The following RBFOX1 variants were observed in gnomAD, a reference collection of about 807,000 sequenced individuals.
RBFOX1 encodes RNA binding fox-1 homolog 1.
RBFOX1 carries 8 observed loss-of-function variants against 57.7 expected under a neutral mutation model. The observed-to-expected ratio is 0.14, with a 90% confidence interval of 0.08 to 0.25. RBFOX1 has a LOEUF of 0.25. RBFOX1 is among the 10% of genes least tolerant of loss of function. The probability of loss-of-function intolerance (pLI) is 1.00; values close to 1 mark genes in which losing one functional copy is unlikely to be tolerated. For synonymous variants in RBFOX1, 326 were observed against 222.4 expected, an observed-to-expected ratio of 1.47 and a Z score of -4.15; for missense variants, 611 against 548.5, an observed-to-expected ratio of 1.11 and a Z score of -1.14.
intron 4 of RBFOX1, among the ~76,000 whole-genome samples, chr16:7,479,473 C>G (rs547089488): frequency 1.3e-5 from 2 of 152,212 alleles, no homozygotes; most frequent in African/African-American, 4.8e-5. Flanking sequence ...CTTTTCTCAG[C>G]CCTTCCTTGC....
At chr16:5,286,000 C>T (rs1596395446) in intron 1 of RBFOX1, among the ~76,000 whole-genome samples, 4 of 152,080 alleles carry the variant, frequency 2.6e-5, no homozygotes, top group Admixed American at 1.3e-4. Context: ...TCGAACTCCT[C>T]ACCTCGTGAT....
At chr16:6,828,440 C>T (rs1259040883) in intron 3 of RBFOX1, among the ~76,000 whole-genome samples, 1 of 151,914 alleles carries the variant, frequency 6.6e-6, no homozygotes, top group Non-Finnish European at 1.5e-5. Context: ...AGGAGAATCA[C>T]TTGAACCCAG....
intron 3 of RBFOX1, among the ~76,000 whole-genome samples, chr16:6,987,772 G>T (rs755438911): frequency 1.3e-5 from 2 of 152,132 alleles, no homozygotes; most frequent in Non-Finnish European, 2.9e-5. Flanking sequence ...GAGGGGAGGA[G>T]AATAAGAACG....
At chr16:7,382,883 A>G (rs1017042542) in intron 4 of RBFOX1, among the ~76,000 whole-genome samples, 1 of 152,222 alleles carries the variant, frequency 6.6e-6, no homozygotes, top group African/African-American at 2.4e-5. Context: ...AGGAGCTGTA[A>G]GCTGCCTACA....
chr16:7,178,221 G>A (rs1442654287), intron 4 of RBFOX1, among the ~76,000 whole-genome samples: 1 of 152,246 alleles, frequency 6.6e-6, no homozygotes, highest in African/African-American at 2.4e-5. Context: ...CCTCCACACA[G>A]TGACCTAGTG....
intron 2 of RBFOX1, among the ~76,000 whole-genome samples, chr16:6,613,617 C>G (rs1192248036): frequency 1.3e-5 from 2 of 151,830 alleles, no homozygotes; most frequent in Non-Finnish European, 2.9e-5. Context: ...ATGAAGATGC[C>G]CATGTTTTAT....
At chr16:5,538,274 G>C (rs1035587684) in intron 2 of RBFOX1, among the ~76,000 whole-genome samples, 1 of 152,174 alleles carries the variant, frequency 6.6e-6, no homozygotes. Flanking sequence ...TAAGCCCTTT[G>C]AGCCTTGGTT....
chr16:5,975,496 T>C (rs1215723630), intron 4 of RBFOX1, among the ~76,000 whole-genome samples: 1 of 152,244 alleles, frequency 6.6e-6, no homozygotes, highest in Non-Finnish European at 1.5e-5. Context: ...TATGGTTTAG[T>C]ATTGCTTGGC....
At chr16:6,131,152 T>G (rs1357813317) in intron 1 of RBFOX1, among the ~76,000 whole-genome samples, 2 of 152,222 alleles carry the variant, frequency 1.3e-5, no homozygotes, top group African/African-American at 4.8e-5. Flanking sequence ...AGCTTTGGGT[T>G]CTGACTAGGA....
intron 4 of RBFOX1, among the ~76,000 whole-genome samples, chr16:7,379,256 G>C (rs1596942743): frequency 6.6e-6 from 1 of 151,756 alleles, no homozygotes; most frequent in East Asian, 1.9e-4. Flanking sequence ...ATAAACTAAA[G>C]AGTTTCATTG....
chr16:7,462,905 A>G (rs2059837534), intron 4 of RBFOX1, among the ~76,000 whole-genome samples: 1 of 152,198 alleles, frequency 6.6e-6, no homozygotes, highest in South Asian at 2.1e-4. Flanking sequence ...TGAAAGGCTC[A>G]TTCCATGAGA....
At chr16:6,818,543 T>G (rs1417765373) in intron 3 of RBFOX1, among the ~76,000 whole-genome samples, 1 of 152,232 alleles carries the variant, frequency 6.6e-6, no homozygotes, top group African/African-American at 2.4e-5. Flanking sequence ...GTTGTAAGAT[T>G]TAAACTCTAG....
At chr16:6,608,318 A>G (rs908406885) in intron 2 of RBFOX1, among the ~76,000 whole-genome samples, 1 of 152,212 alleles carries the variant, frequency 6.6e-6, no homozygotes, top group Non-Finnish European at 1.5e-5. Flanking sequence ...GGAAAAGCCT[A>G]TCTTTTGAGC....
intron 1 of RBFOX1, among the ~76,000 whole-genome samples, chr16:6,067,306 T>A (rs2152474350): frequency 6.6e-6 from 1 of 152,198 alleles, no homozygotes; most frequent in Non-Finnish European, 1.5e-5. Flanking sequence ...AGCCAAACAC[T>A]TTTTCAGAGA....
At chr16:7,000,840 G>T (rs1214231132) in intron 3 of RBFOX1, among the ~76,000 whole-genome samples, 2 of 152,004 alleles carry the variant, frequency 1.3e-5, no homozygotes, top group Non-Finnish European at 2.9e-5. Context: ...CTGACCTTGT[G>T]ATCCGCCCGC....
intron 3 of RBFOX1, among the ~76,000 whole-genome samples, chr16:6,965,058 G>C (rs2083814038): frequency 6.6e-6 from 1 of 152,096 alleles, no homozygotes. Flanking sequence ...CTTCCCTGGA[G>C]TCTGGGGGTG....
chr16:6,433,579 C>G (rs2094153945), intron 2 of RBFOX1, among the ~76,000 whole-genome samples: 1 of 152,166 alleles, frequency 6.6e-6, no homozygotes, highest in Non-Finnish European at 1.5e-5. Flanking sequence ...TGGCTTAAAG[C>G]AAGAACCTTA....
At chr16:5,682,490 G>T (rs2050372070) in intron 3 of RBFOX1, among the ~76,000 whole-genome samples, 1 of 152,226 alleles carries the variant, frequency 6.6e-6, no homozygotes, top group Non-Finnish European at 1.5e-5. Context: ...TCTAAGCCAT[G>T]TATTACTTTC....
intron 3 of RBFOX1, among the ~76,000 whole-genome samples, chr16:6,778,157 A>C (rs2079706689): frequency 6.6e-6 from 1 of 152,146 alleles, no homozygotes; most frequent in Non-Finnish European, 1.5e-5. Flanking sequence ...CTTCATGAGA[A>C]TCGAATTTCA....
Sources: gnomAD v4.1 joint callset for allele counts (sites outside exome capture counted in the v4.1 genomes callset) on GRCh38, gnomAD v4.1.1 for gene constraint, MANE v1.5 for transcripts, NCBI Gene and HGNC (gene_info 2026-07-23, HGNC 2026-07-21) for gene names.